The following TTC28 variants were observed in gnomAD, a reference collection of about 807,000 sequenced individuals.
TTC28 encodes tetratricopeptide repeat domain 28.
Under a neutral mutation model 198.0 loss-of-function variants are expected in TTC28, and 61 were observed. The ratio of observed to expected loss-of-function variants is 0.31; its 90% confidence interval spans 0.25 to 0.38. TTC28 has a LOEUF of 0.38. TTC28 is among the 10% of genes least tolerant of loss of function. TTC28 has a pLI of 1.00. For synonymous variants in TTC28, 1,171 were observed against 1,297.8 expected (o/e 0.90, Z 2.10); for missense variants, 2,678 against 3,164.0 (o/e 0.85, Z 3.69).
At chr22:28,528,438 A>C (rs2049054737) in intron 2 of TTC28, among the ~76,000 whole-genome samples, 1 of 151,882 alleles carries the variant, frequency 6.6e-6, no homozygotes, top group African/African-American at 2.4e-5. Context: ...CAGCTTAAAA[A>C]CCCAGTGTAG....
At chr22:28,527,063 T>C (rs1317199598) in intron 2 of TTC28, among the ~76,000 whole-genome samples, 3 of 152,146 alleles carry the variant, frequency 2.0e-5, no homozygotes, top group Non-Finnish European at 4.4e-5. Flanking sequence ...CAGCCTATTC[T>C]AGGTTTTCTA....
chr22:28,580,680 A>C (rs2050221777), intron 2 of TTC28, among the ~76,000 whole-genome samples: 1 of 152,214 alleles, frequency 6.6e-6, no homozygotes, highest in African/African-American at 2.4e-5. Context: ...TATTCTTCCT[A>C]CTGAATGTAG....
intron 2 of TTC28, among the ~76,000 whole-genome samples, chr22:28,593,049 C>T (rs2050462233): frequency 6.6e-6 from 1 of 151,864 alleles, no homozygotes; most frequent in East Asian, 1.9e-4. Context: ...CTGAAGGTGG[C>T]TGGAGGCAGG....
chr22:28,536,782 A>G (rs1225953605), intron 2 of TTC28, among the ~76,000 whole-genome samples: 1 of 152,156 alleles, frequency 6.6e-6, no homozygotes, highest in East Asian at 1.9e-4. Flanking sequence ...CAAAACACCA[A>G]TAGAATTTTT....
At chr22:28,536,363 G>T (rs2049278163) in intron 2 of TTC28, among the ~76,000 whole-genome samples, 1 of 151,522 alleles carries the variant, frequency 6.6e-6, no homozygotes, top group African/African-American at 2.4e-5. Context: ...GGTGGCTCAC[G>T]CCTGTAATCC....
chr22:28,177,379 C>G (rs1195631052), intron 5 of TTC28, among the ~76,000 whole-genome samples: 4 of 152,054 alleles, frequency 2.6e-5, no homozygotes, highest in African/African-American at 9.7e-5. Flanking sequence ...GAACATGGAA[C>G]AATAGAAACT....
intron 2 of TTC28, among the ~76,000 whole-genome samples, chr22:28,503,842 T>C (rs1005403565): frequency 1.3e-5 from 2 of 152,184 alleles, no homozygotes; most frequent in Non-Finnish European, 2.9e-5. Flanking sequence ...ATTGTCAGTT[T>C]AATAATAATA....
intron 2 of TTC28, among the ~76,000 whole-genome samples, chr22:28,485,524 C>T (rs2048304857): frequency 6.6e-6 from 1 of 152,232 alleles, no homozygotes; most frequent in Admixed American, 6.5e-5. Flanking sequence ...TCCATGCCCT[C>T]ACCAGCATGA....
rs34398046 is a variant in TTC28, at chr22:28,199,383, TTATATATATATATATATATATATATA to T, written c.934-35810_934-35785del. Among the ~76,000 whole-genome samples, 12 of 118,500 alleles carry T rather than the reference TTATATATATATATATATATATATATA, an allele frequency of 1.0e-4. No individual in the cohort carries two copies. In the East Asian group the frequency reaches 1.8e-3, roughly 17 times the overall value. 77.7% of individuals were successfully genotyped at this position (118,500 alleles called of 152,430 possible). A position where few individuals can be genotyped will look rare whatever the true frequency, so the allele number is the denominator to read the frequency against. The stretch of plus-strand genomic sequence containing the variant: ...AGTATAATGCCACTTACATTAAAAA[TTATATATATATATATATATATATATA>T]TATATATATATATGTAACTATTCCA... On this transcript the variant is annotated intron_variant, in intron 5 of 22. Transcript: ENST00000397906.
chr22:28,405,337 T>C (rs554907765), intron 2 of TTC28, among the ~76,000 whole-genome samples: 1 of 152,308 alleles, frequency 6.6e-6, no homozygotes, highest in Admixed American at 6.5e-5. Context: ...TCAACAAATA[T>C]TCCTGAGCAA....
intron 2 of TTC28, among the ~76,000 whole-genome samples, chr22:28,315,316 T>C (rs185207789): frequency 6.4e-4 from 97 of 152,270 alleles, no homozygotes; most frequent in African/African-American, 2.3e-3. Flanking sequence ...AACCTGTGAC[T>C]GTGTTCTAGA....
intron 5 of TTC28, among the ~76,000 whole-genome samples, chr22:28,249,863 C>T (rs1222693275): frequency 2.6e-5 from 4 of 152,178 alleles, no homozygotes; most frequent in African/African-American, 7.2e-5. Context: ...CCTCAGAGGT[C>T]GGGCCTGAAG....
intron 2 of TTC28, among the ~76,000 whole-genome samples, chr22:28,417,858 G>C (rs1393776215): frequency 1.3e-5 from 2 of 152,120 alleles, no homozygotes; most frequent in African/African-American, 2.4e-5. Context: ...GAAATCAAAA[G>C]CCAGCAATTA....
chr22:28,175,514 C>T (rs1423292649), intron 5 of TTC28, among the ~76,000 whole-genome samples: 1 of 152,010 alleles, frequency 6.6e-6, no homozygotes, highest in Non-Finnish European at 1.5e-5. Context: ...GGTGGATGCC[C>T]TGAGGTCAGG....
At chr22:28,389,629 T>C (rs991658576) in intron 2 of TTC28, among the ~76,000 whole-genome samples, 1 of 151,162 alleles carries the variant, frequency 6.6e-6, no homozygotes, top group Admixed American at 6.6e-5. Context: ...TTTATTTGCG[T>C]AGAGGTGTTT....
intron 11 of TTC28, among the ~76,000 whole-genome samples, chr22:28,095,449 GA>G (rs1184979342): frequency 6.6e-6 from 1 of 151,526 alleles, no homozygotes; most frequent in Non-Finnish European, 1.5e-5. Context: ...TAAAGTTTTT[GA>G]AACTGGCTTA....
At chr22:28,027,535 G>T (rs886130035) in intron 13 of TTC28, among the ~76,000 whole-genome samples, 10 of 152,202 alleles carry the variant, frequency 6.6e-5, no homozygotes, top group African/African-American at 9.6e-5. Flanking sequence ...GAACAAAGGG[G>T]CCAAGGAATC....
At chr22:28,014,182 T>A (rs1938263539) in intron 14 of TTC28, 66 bp downstream of exon 14, 1 of 1,492,850 alleles carries the variant, frequency 6.7e-7, no homozygotes, top group Admixed American at 2.3e-5. Flanking sequence ...GGGATACATG[T>A]GGGCGCTGAC....
intron 13 of TTC28, chr22:28,029,121 A>C (rs1938968933): frequency 2.1e-6 from 1 of 471,156 alleles, no homozygotes; most frequent in South Asian, 1.5e-5. Flanking sequence ...GCATCCCTAC[A>C]TGAAACCAAA....
Sources: gnomAD v4.1 joint callset for allele counts (sites outside exome capture counted in the v4.1 genomes callset) on GRCh38, gnomAD v4.1.1 for gene constraint, MANE v1.5 for transcripts, NCBI Gene and HGNC (gene_info 2026-07-23, HGNC 2026-07-21) for gene names.